Variants in WDPCP observed in about 807,000 individuals in gnomAD.
The protein encoded by WDPCP is WD repeat-containing and planar cell polarity effector protein fritz homolog.
In WDPCP, 71 loss-of-function variants were observed where a neutral mutation model predicts 93.1. The observed-to-expected ratio is 0.76, with a 90% CI of 0.63 to 0.93. The LOEUF is 0.93. Among genes scored for constraint, WDPCP ranks in the 40% least tolerant of loss-of-function variants. The probability of loss-of-function intolerance (pLI) is 0.00; values close to 1 mark genes in which losing one functional copy is unlikely to be tolerated. For missense variants in WDPCP, 844 were observed against 887.4 expected, an observed-to-expected ratio of 0.95 and a Z score of 0.62; for synonymous variants, 315 against 315.0, an observed-to-expected ratio of 1.00 and a Z score of 0.00.
intron 13 of WDPCP, among the ~76,000 whole-genome samples, chr2:63,304,844 A>C (rs1199938027): frequency 4.6e-5 from 7 of 152,118 alleles, no homozygotes; most frequent in Non-Finnish European, 2.9e-5. Context: ...GCTAAGATCT[A>C]CTAGCTTGAA....
chr2:63,539,421 A>T (rs1485642315), intron 1 of WDPCP, among the ~76,000 whole-genome samples: 2 of 152,174 alleles, frequency 1.3e-5, no homozygotes, highest in Non-Finnish European at 2.9e-5. Flanking sequence ...GGTTAAAAAA[A>T]AATTCAACTC....
At chr2:63,332,082 A>T (rs899113468) in intron 12 of WDPCP, among the ~76,000 whole-genome samples, 1 of 151,296 alleles carries the variant, frequency 6.6e-6, no homozygotes, top group Non-Finnish European at 1.5e-5. Flanking sequence ...GGGGGGAGAT[A>T]CATATATATA....
At chr2:63,647,861 G>T (rs1246313682) in intron 3 of WDPCP, among the ~76,000 whole-genome samples, 1 of 151,868 alleles carries the variant, frequency 6.6e-6, no homozygotes, top group Non-Finnish European at 1.5e-5. Context: ...AAAAAAACTT[G>T]GTTCTTGGGC....
chr2:63,727,662 T>A (rs1391420988), intron 2 of WDPCP, among the ~76,000 whole-genome samples: 1 of 152,228 alleles, frequency 6.6e-6, no homozygotes, highest in East Asian at 1.9e-4. Flanking sequence ...AGAATTCAGC[T>A]GTGAATCTGT....
chr2:63,216,407 G>C (rs1164995594), intron 14 of WDPCP, among the ~76,000 whole-genome samples: 1 of 152,168 alleles, frequency 6.6e-6, no homozygotes, highest in African/African-American at 2.4e-5. Context: ...GTCCATTCTA[G>C]GGACATGGAT....
intron 13 of WDPCP, among the ~76,000 whole-genome samples, chr2:63,268,068 A>T (rs961202905): frequency 1.3e-5 from 2 of 152,224 alleles, no homozygotes; most frequent in African/African-American, 4.8e-5. Context: ...GGAGCAACCT[A>T]AGTGTCCATC....
chr2:63,476,340 G>C (rs1306628587), intron 6 of WDPCP, among the ~76,000 whole-genome samples: 5 of 151,888 alleles, frequency 3.3e-5, no homozygotes, highest in Non-Finnish European at 5.9e-5. Context: ...TTTCTAAATG[G>C]GCTCACCTCC....
At chr2:63,756,114 T>G (rs1669964336) in intron 2 of WDPCP, among the ~76,000 whole-genome samples, 1 of 152,258 alleles carries the variant, frequency 6.6e-6, no homozygotes, top group African/African-American at 2.4e-5. Context: ...CATTCTGTTT[T>G]GGCTTTGAGT....
chr2:63,805,609 T>C (rs2104057540), intron 2 of WDPCP, among the ~76,000 whole-genome samples: 1 of 152,308 alleles, frequency 6.6e-6, no homozygotes, highest in South Asian at 2.1e-4. Context: ...AGAGTGCTAC[T>C]ACTCTGGGGA....
chr2:63,207,860 T>C (rs1676462678), intron 14 of WDPCP, among the ~76,000 whole-genome samples: 1 of 152,206 alleles, frequency 6.6e-6, no homozygotes, highest in Admixed American at 6.5e-5. Flanking sequence ...ATTTTATGTA[T>C]GTTGGATCTT....
At chr2:63,354,710 A>ATGTG (rs1442217694) in intron 12 of WDPCP, among the ~76,000 whole-genome samples, 5 of 143,184 alleles carry the variant, frequency 3.5e-5, no homozygotes, top group African/African-American at 1.0e-4. Flanking sequence ...GTATGTATAT[A>ATGTG]TGTATGTGTG....
chr2:63,441,213 T>C (rs902450363), intron 6 of WDPCP: 1 of 152,096 alleles, frequency 6.6e-6, no homozygotes, highest in African/African-American at 2.4e-5. Flanking sequence ...TCAAGAAATT[T>C]AAAATGCTTC....
intron 2 of WDPCP, among the ~76,000 whole-genome samples, chr2:63,800,988 A>C (rs1670687075): frequency 6.6e-6 from 1 of 152,252 alleles, no homozygotes. Context: ...CGGCAGGTCA[A>C]GGATGCAGAG....
At chr2:63,808,287 G>A (rs7603484) in intron 2 of WDPCP, among the ~76,000 whole-genome samples, 2 of 148,696 alleles carry the variant, frequency 1.3e-5, no homozygotes, top group African/African-American at 4.9e-5. Context: ...TAATTCCTTC[G>A]CTCCCTCTCC....
chr2:63,793,080 T>C (rs1238955745), intron 2 of WDPCP, among the ~76,000 whole-genome samples: 4 of 152,126 alleles, frequency 2.6e-5, no homozygotes, highest in African/African-American at 9.7e-5. Flanking sequence ...AATAAAACAT[T>C]TTTAGAATAA....
chr2:63,726,353 GT>G (rs1669497064), intron 2 of WDPCP, among the ~76,000 whole-genome samples: 4 of 151,346 alleles, frequency 2.6e-5, no homozygotes, highest in Admixed American at 1.3e-4. Flanking sequence ...AGATTAGACA[GT>G]TGTAAGTGTG....
rs77085800 is a variant in WDPCP, at chr2:63,418,342, A to G, written c.826-13685T>C. Among the ~76,000 whole-genome samples the G allele has an allele frequency of 2.0e-4, 31 of 152,328 alleles. No homozygotes were observed. The East Asian group carries it at 5.4e-3, about 27-fold the overall frequency. Reference sequence around the variant, plus strand: ...ATATATGGTGTGTAATGAAGGGAGAAATGCTAAATGACAACGATCTGAACA... The same window carrying G: ...ATATATGGTGTGTAATGAAGGGAGAGATGCTAAATGACAACGATCTGAACA... On this transcript the variant is annotated intron_variant, in intron 9 of 17. Coordinates refer to ENST00000272321, the MANE Select transcript of WDPCP (RefSeq NM_015910.7).
At chr2:63,566,853 C>T (rs575987803) in intron 1 of WDPCP, among the ~76,000 whole-genome samples, 1 of 152,306 alleles carries the variant, frequency 6.6e-6, no homozygotes, top group East Asian at 1.9e-4. Context: ...CCCACGACCC[C>T]CTCCTCAGGT....
At chr2:63,581,927 G>A (rs1378905372) in intron 1 of WDPCP, among the ~76,000 whole-genome samples, 2 of 151,628 alleles carry the variant, frequency 1.3e-5, no homozygotes, top group Admixed American at 1.3e-4. Flanking sequence ...AGGATTGCTT[G>A]AGCCTAGGAG....
Sources: allele counts gnomAD v4.1 joint callset (sites outside exome capture counted in the v4.1 genomes callset), GRCh38; gene constraint gnomAD v4.1.1; transcripts MANE v1.5; gene names NCBI Gene and HGNC (gene_info 2026-07-23, HGNC 2026-07-21).